The following PCDHB3 variants were observed in gnomAD, a reference collection of about 807,000 sequenced individuals.
The protein encoded by PCDHB3 is protocadherin beta 3, also known as protocadherin beta-3.
For synonymous variants in PCDHB3, 479 were observed against 456.0 expected (o/e 1.05, Z -0.64); for missense variants, 967 against 1,012.1 (o/e 0.96, Z 0.60).
Position 141,101,802 on chromosome 5 carries a change from A to G in PCDHB3, c.1153A>G (p.Ile385Val). 2 of 1,614,108 alleles carry G rather than the reference A, an allele frequency of 1.2e-6. No individual in the cohort carries two copies. Among genetic ancestry groups the G allele is most frequent in the South Asian group, 2.2e-5 (2 of 91,082 alleles). ...SGDNGRVMCS[I>V]ENNLPFFLKP... ...AGACAACGGAAGAGTGATGTGTTCC[A>G]TTGAGAACAATCTCCCCTTCTTCCT... The change falls in exon 1 of 1, where the codon ATT (isoleucine) becomes GTT (valine). Residue 385 changes from isoleucine to valine, a missense_variant. Ile to Val is a conservative substitution (Grantham distance 29). Coordinates refer to ENST00000231130, the MANE Select transcript of PCDHB3 (RefSeq NM_018937.5).
rs781926643 is a variant in PCDHB3 at position 141,101,995 on chromosome 5, C to G, written c.1346C>G (p.Pro449Arg). 6.2e-7 allele frequency: 1 copy of G among 1,613,330 alleles called. No individual in the cohort carries two copies. The highest frequency in any genetic ancestry group is 1.1e-5 in the South Asian group (1 of 91,048). Reference protein sequence around the residue: ...VLVSDVNDNAPAFTQISYTLF... With the variant: ...VLVSDVNDNARAFTQISYTLF... ...GTCTCCGACGTCAATGACAACGCCC[C>G]CGCCTTCACCCAAATCTCCTACACC... is the stretch of plus-strand genomic sequence containing the variant. The change falls in exon 1 of 1, where the codon CCC becomes CGC. Residue 449 changes from proline (P) to arginine (R), a missense_variant. By Grantham distance (103) the Pro-to-Arg change is moderately radical (BLOSUM62 -2). Transcript: ENST00000231130.
In PCDHB3 at chr5:141,101,229, C is replaced by T; in HGVS notation, c.580C>T (p.Leu194=). 1 of 1,614,178 alleles carries T rather than the reference C, an allele frequency of 6.2e-7. No individual in the cohort carries two copies. Among genetic ancestry groups the T allele is most frequent in the South Asian group, 1.1e-5 (1 of 91,092 alleles). Residue 194 remains leucine, a synonymous_variant, in exon 1 of 1, where the codon CTA becomes TTA. Transcript: ENST00000231130. Reference sequence around the variant, plus strand: ...TAGGGACGGAAGGAAGTACCCGGAACTAGTACTGGATAAAGCGCTCGATCC... The same window carrying T: ...TAGGGACGGAAGGAAGTACCCGGAATTAGTACTGGATAAAGCGCTCGATCC... ...SRRDGRKYPE[L]VLDKALDPEE...
Position 141,101,298 on chromosome 5 carries a change from G to T in PCDHB3, c.649G>T (p.Gly217Cys), listed in dbSNP as rs782197698. The change falls in exon 1 of 1, where the codon GGC becomes TGC. Residue 217 changes from glycine (G) to cysteine (C), a missense_variant. Coordinates refer to ENST00000231130, the MANE Select transcript of PCDHB3 (RefSeq NM_018937.5). ...CAGCTTAACGCTCACCGCGCTGGACGGCGGCTCTCCCCCTCGGTCTGGGAC... is the reference window on the plus strand; with the variant it reads ...CAGCTTAACGCTCACCGCGCTGGACTGCGGCTCTCCCCCTCGGTCTGGGAC... ...ELSLTLTALD[G>C]GSPPRSGTAQ... The T allele has an allele frequency of 1.2e-6, 2 of 1,614,042 alleles. No homozygotes were observed. Among genetic ancestry groups the T allele is most frequent in the Non-Finnish European group, 1.7e-6 (2 of 1,180,008 alleles).
rs782693772 is a variant in PCDHB3 at position 141,100,677 on chromosome 5, A to G, written c.28A>G (p.Arg10Gly). Residue 10 changes from arginine (R) to glycine (G), a missense_variant, in exon 1 of 1, where the codon AGA becomes GGA. By Grantham distance (125) the Arg-to-Gly change is moderately radical. Coordinates refer to ENST00000231130, the MANE Select transcript of PCDHB3 (RefSeq NM_018937.5). ...GGAGGCGGGAGGAGAGCGATTTCTT[A>G]GACAAAGGCAAGTCTTGCTTCTCTT... MEAGGERFL[R>G]QRQVLLLFVF... 1.9e-6 allele frequency: 3 copies of G among 1,607,206 alleles called. No homozygotes were observed. In the African/African-American group the frequency reaches 4.0e-5, roughly 22 times the overall value.
Position 141,101,992 on chromosome 5 carries a change from C to A in PCDHB3, c.1343C>A (p.Ala448Asp), listed in dbSNP as rs782287935. The A allele has an allele frequency of 1.2e-5, 20 of 1,613,254 alleles. No homozygotes were observed. The highest frequency in any genetic ancestry group is 1.4e-5 in the Non-Finnish European group (16 of 1,180,032). ...CTGGTCTCCGACGTCAATGACAACGCCCCCGCCTTCACCCAAATCTCCTAC... is the reference window on the plus strand; with the variant it reads ...CTGGTCTCCGACGTCAATGACAACGACCCCGCCTTCACCCAAATCTCCTAC... The part of the protein sequence containing the change: ...TVLVSDVNDN[A>D]PAFTQISYTL... Residue 448 changes from alanine (A) to aspartate (D), a missense_variant, in exon 1 of 1, where the codon GCC (alanine) becomes GAC (aspartate). Transcript: ENST00000231130.
rs892798097 is a variant in PCDHB3, at chr5:141,103,278, T to C, written c.*238T>C. 27 of 428,956 alleles carry C rather than the reference T, an allele frequency of 6.3e-5. No individual in the cohort carries two copies. The highest frequency in any genetic ancestry group is 1.3e-4 in the South Asian group (2 of 15,314). The allele number at this position is 428,956 out of a possible 1,614,324, so 26.6% of individuals were successfully genotyped here. ...CTTAGTCGATAGAACATTTTGTTTA[T>C]ATATTGATTCTACTTTTTCTGTAGT... On this transcript the variant is annotated 3_prime_UTR_variant, in exon 1 of 1. Transcript: ENST00000231130.
rs1554272148 is a variant in PCDHB3 at position 141,100,961 on chromosome 5, A to G, written c.312A>G (p.Leu104=). Reference sequence around the variant, plus strand: ...GCGGCCCCACAGAACCATGCATACTACATTTTCAGATATTACTGCAAAACC... The same window carrying G: ...GCGGCCCCACAGAACCATGCATACTGCATTTTCAGATATTACTGCAAAACC... ...ELCGPTEPCI[L]HFQILLQNPL... is the part of the protein sequence containing the mutation. The change falls in exon 1 of 1, where the codon CTA becomes CTG. Residue 104 remains leucine (L), a synonymous_variant. Coordinates refer to ENST00000231130, the MANE Select transcript of PCDHB3 (RefSeq NM_018937.5). The G allele has an allele frequency of 3.1e-6, 5 of 1,614,132 alleles. No homozygotes were observed. The South Asian group carries it at 5.5e-5, about 18-fold the overall frequency.
At position 141,103,340 on chromosome 5, in the gene PCDHB3, A is replaced by G. The variant is rs950650280; in HGVS notation, c.*300A>G. The G allele has an allele frequency of 2.3e-5, 6 of 258,308 alleles. No homozygotes were observed. Among genetic ancestry groups the G allele is most frequent in the South Asian group, 1.3e-4 (1 of 7,596 alleles). 16.0% of individuals were successfully genotyped at this position (258,308 alleles called of 1,614,324 possible). A position where few individuals can be genotyped will look rare whatever the true frequency, so the allele number is the denominator to read the frequency against. On this transcript the variant is annotated 3_prime_UTR_variant, in exon 1 of 1. Coordinates refer to ENST00000231130, the MANE Select transcript of PCDHB3 (RefSeq NM_018937.5). ...TATTCTCCTTTCATCCTGGCTTGCC[A>G]ACGCAGTCTTAATTCCGCCTTTTTT...
In PCDHB3 at chr5:141,102,527, C is replaced by G; in HGVS notation, c.1878C>G (p.Thr626=). Residue 626 remains threonine (T), a synonymous_variant, in exon 1 of 1, where the codon ACC becomes ACG. Transcript: ENST00000231130. Reference sequence around the variant, plus strand: ...GGGCGCACAATGGCGAAGTGCGCACCGCCAGGCTGCTGAGCGAGCGCGACG... The same window carrying G: ...GGGCGCACAATGGCGAAGTGCGCACGGCCAGGCTGCTGAGCGAGCGCGACG... ...GVWAHNGEVR[T]ARLLSERDAA... is the part of the protein sequence containing the mutation. 4 of 1,608,578 alleles carry G rather than the reference C, an allele frequency of 2.5e-6. No homozygotes were observed. The highest frequency in any genetic ancestry group is 3.4e-6 in the Non-Finnish European group (4 of 1,179,606).
At position 141,101,445 on chromosome 5, in the gene PCDHB3, G is replaced by T. The variant is rs1554272296; in HGVS notation, c.796G>T (p.Ala266Ser). ...PVNSVIVTVS[A>S]SDLDTGSFGT... is the part of the protein sequence containing the mutation. ...TAACTCTGTCATTGTCACTGTCTCG[G>T]CTTCTGACTTAGATACAGGAAGTTT... is the stretch of plus-strand genomic sequence containing the variant. The change falls in exon 1 of 1, where the codon GCT (alanine) becomes TCT (serine). Residue 266 changes from alanine to serine, a missense_variant. By Grantham distance (99) the Ala-to-Ser change is moderately conservative (BLOSUM62 1). Coordinates refer to ENST00000231130, the MANE Select transcript of PCDHB3 (RefSeq NM_018937.5). 1 of 1,614,176 alleles carries T rather than the reference G, an allele frequency of 6.2e-7. No individual in the cohort carries two copies. Among genetic ancestry groups the T allele is most frequent in the Non-Finnish European group, 8.5e-7 (1 of 1,180,030 alleles).
rs1752019525 is a variant in PCDHB3 at position 141,103,785 on chromosome 5, A to G, written c.*745A>G. On this transcript the variant is annotated 3_prime_UTR_variant, in exon 1 of 1. Coordinates refer to ENST00000231130, the MANE Select transcript of PCDHB3 (RefSeq NM_018937.5). ...CCTTTGGTTTATCTAAAGTGTGTTCATGATGACTGAGGAAAAAAATTAAAC... is the reference window on the plus strand; with the variant it reads ...CCTTTGGTTTATCTAAAGTGTGTTCGTGATGACTGAGGAAAAAAATTAAAC... 1 of 152,214 alleles carries G rather than the reference A, an allele frequency of 6.6e-6. No homozygotes were observed. Among genetic ancestry groups the G allele is most frequent in the African/African-American group, 2.4e-5 (1 of 41,462 alleles). The allele number at this position is 152,214 out of a possible 1,614,324, so 9.4% of individuals were successfully genotyped here.
rs1751974366 is a variant in PCDHB3, at chr5:141,102,344, G to A, written c.1695G>A (p.Leu565=). The A allele has an allele frequency of 6.2e-7, 1 of 1,611,424 alleles. No individual in the cohort carries two copies. Among genetic ancestry groups the A allele is most frequent in the Non-Finnish European group, 8.5e-7 (1 of 1,179,680 alleles). Residue 565 remains leucine (L), a synonymous_variant, in exon 1 of 1, where the codon CTG becomes CTA. Coordinates refer to ENST00000231130, the MANE Select transcript of PCDHB3 (RefSeq NM_018937.5). ...NDNSPFVLYP[L]QNGSAPCTEL... ...ACTCGCCCTTCGTGCTGTACCCGCTGCAGAACGGCTCCGCGCCCTGCACCG... is the reference window on the plus strand; with the variant it reads ...ACTCGCCCTTCGTGCTGTACCCGCTACAGAACGGCTCCGCGCCCTGCACCG...
In PCDHB3 at chr5:141,103,558, A is replaced by G. The variant is rs1237214725; in HGVS notation, c.*518A>G. The G allele has an allele frequency of 1.3e-5, 2 of 152,274 alleles. No homozygotes were observed. Among genetic ancestry groups the G allele is most frequent in the African/African-American group, 4.8e-5 (2 of 41,456 alleles). The allele number at this position is 152,274 out of a possible 1,614,324, so 9.4% of individuals were successfully genotyped here. ...TAATATGCCCAAAGCAGCTTTGTCT[A>G]TAGTTAACAAAGTTTTAAGGATAGA... On this transcript the variant is annotated 3_prime_UTR_variant, in exon 1 of 1. Transcript: ENST00000231130.
Position 141,100,838 on chromosome 5 carries a change from G to A in PCDHB3, c.189G>A (p.Gly63=). The A allele has an allele frequency of 6.2e-7, 1 of 1,614,042 alleles. No individual in the cohort carries two copies. The highest frequency in any genetic ancestry group is 8.5e-7 in the Non-Finnish European group (1 of 1,180,014). Residue 63 remains glycine (G), a synonymous_variant, in exon 1 of 1, where the codon GGG becomes GGA. Transcript: ENST00000231130. ...GLRVEELAAR[G]AQVVSKGNKQ... The stretch of plus-strand genomic sequence containing the variant: ...GGGTAGAGGAACTGGCCGCGAGGGG[G>A]GCCCAAGTTGTGTCCAAAGGGAACA...
Position 141,102,848 on chromosome 5 carries a change from A to T in PCDHB3, c.2199A>T (p.Pro733=). The T allele has an allele frequency of 6.2e-7, 1 of 1,613,258 alleles. No homozygotes were observed. Among genetic ancestry groups the T allele is most frequent in the Non-Finnish European group, 8.5e-7 (1 of 1,179,886 alleles). The change falls in exon 1 of 1, where the codon CCA becomes CCT. Residue 733 remains proline (P), a synonymous_variant. Transcript: ENST00000231130. ...GRCSVPEGPF[P]GQMVDVSGTG... ...GCTCGGTGCCCGAGGGCCCCTTTCCAGGGCAGATGGTGGACGTGAGCGGCA... is the reference window on the plus strand; with the variant it reads ...GCTCGGTGCCCGAGGGCCCCTTTCCTGGGCAGATGGTGGACGTGAGCGGCA...
Position 141,101,685 on chromosome 5 carries a change from G to C in PCDHB3, c.1036G>C (p.Glu346Gln). ...QVVDVNDNPP[E>Q]LTLSSVNSPI... The stretch of plus-strand genomic sequence containing the variant: ...GGTTGATGTCAACGACAACCCACCG[G>C]AACTGACCTTGTCTTCAGTAAACAG... The change falls in exon 1 of 1, where the codon GAA becomes CAA. Residue 346 changes from glutamate (E) to glutamine (Q), a missense_variant. By Grantham distance (29) the Glu-to-Gln change is conservative. Coordinates refer to ENST00000231130, the MANE Select transcript of PCDHB3 (RefSeq NM_018937.5). The C allele has an allele frequency of 6.2e-7, 1 of 1,613,898 alleles. No individual in the cohort carries two copies. Among genetic ancestry groups the C allele is most frequent in the Non-Finnish European group, 8.5e-7 (1 of 1,179,960 alleles).
Position 141,102,149 on chromosome 5 carries a change from C to G in PCDHB3, c.1500C>G (p.Leu500=), listed in dbSNP as rs1751965488. 6.2e-7 allele frequency: 1 copy of G among 1,613,092 alleles called. No individual in the cohort carries two copies. Among genetic ancestry groups the G allele is most frequent in the Non-Finnish European group, 8.5e-7 (1 of 1,180,020 alleles). ...LLPPQDPHLP[L]SSLVSINADN... The stretch of plus-strand genomic sequence containing the variant: ...CGCCCCAGGACCCGCACCTGCCCCT[C>G]TCTTCCCTGGTCTCCATCAACGCGG... Residue 500 remains leucine (L), a synonymous_variant, in exon 1 of 1, where the codon CTC becomes CTG. Transcript: ENST00000231130.
chr5:141,101,800 C>T lies in PCDHB3; in HGVS notation c.1151C>T (p.Ser384Phe). Residue 384 changes from serine (S) to phenylalanine (F), a missense_variant, in exon 1 of 1, where the codon TCC becomes TTC. By Grantham distance (155) the Ser-to-Phe change is radical. Coordinates refer to ENST00000231130, the MANE Select transcript of PCDHB3 (RefSeq NM_018937.5). ...DSGDNGRVMC[S>F]IENNLPFFLK... Reference sequence around the variant, plus strand: ...GGAGACAACGGAAGAGTGATGTGTTCCATTGAGAACAATCTCCCCTTCTTC... The same window carrying T: ...GGAGACAACGGAAGAGTGATGTGTTTCATTGAGAACAATCTCCCCTTCTTC... The T allele has an allele frequency of 1.2e-6, 2 of 1,614,024 alleles. No homozygotes were observed. The highest frequency in any genetic ancestry group is 8.5e-7 in the Non-Finnish European group (1 of 1,180,014).
In PCDHB3 at chr5:141,100,517, C is replaced by T; in HGVS notation, c.-133C>T. On this transcript the variant is annotated 5_prime_UTR_variant, in exon 1 of 1. Coordinates refer to ENST00000231130, the MANE Select transcript of PCDHB3 (RefSeq NM_018937.5). ...TGAGAGCCCAGGCAGATTTTTGAGC[C>T]AGCAAGTCTGAGCCTCTGGAAAGGC... The T allele has an allele frequency of 1.4e-6, 1 of 700,458 alleles. No homozygotes were observed. Among genetic ancestry groups the T allele is most frequent in the Non-Finnish European group, 2.3e-6 (1 of 425,546 alleles). 43.4% of individuals were successfully genotyped at this position (700,458 alleles called of 1,614,324 possible). A position where few individuals can be genotyped will look rare whatever the true frequency, so the allele number is the denominator to read the frequency against.
Sources: allele counts gnomAD v4.1 joint callset, GRCh38; gene constraint gnomAD v4.1.1; transcripts MANE v1.5; gene names NCBI Gene and HGNC (gene_info 2026-07-23, HGNC 2026-07-21).